Variants in XKR6 observed in about 807,000 individuals in gnomAD.
The protein encoded by XKR6 is XK-related protein 6.
Under a neutral mutation model 56.7 loss-of-function variants are expected in XKR6, and 22 were observed. The observed-to-expected ratio is 0.39, with a 90% CI of 0.28 to 0.55. XKR6 has a LOEUF of 0.55. Among genes scored for constraint, XKR6 ranks in the 20% least tolerant of loss-of-function variants. The probability of loss-of-function intolerance (pLI) is 0.66; values close to 1 mark genes in which losing one functional copy is unlikely to be tolerated. For synonymous variants in XKR6, 524 were observed against 387.8 expected (o/e 1.35, Z -4.13); for missense variants, 852 against 889.0 (o/e 0.96, Z 0.53).
rs527319689 is a variant in XKR6 at position 10,992,523 on chromosome 8, G to T, written c.765-67693C>A. ...TCCTTCAGACAGTGAGAAACTCAGG[G>T]CTCAACCTTGAATGAGCAGCAGCCT... On this transcript the variant is annotated intron_variant, in intron 1 of 2. Transcript: ENST00000416569. Among the ~76,000 whole-genome samples the T allele has an allele frequency of 1.4e-4, 22 of 152,252 alleles. 2 individuals are homozygous for T. In the South Asian group the frequency reaches 4.6e-3, roughly 32 times the overall value.
rs558605717 is a variant in XKR6, at chr8:11,071,920, G to A, written c.764+128656C>T. 7.9e-5 allele frequency among the ~76,000 whole-genome samples: 12 copies of A among 152,302 alleles called. No individual in the cohort carries two copies. In the South Asian group the frequency reaches 2.1e-3, roughly 26 times the overall value. On this transcript the variant is annotated intron_variant, in intron 1 of 2. Coordinates refer to ENST00000416569, the MANE Select transcript of XKR6 (RefSeq NM_173683.4). ...CCTCTGAATATATGCACTACACCAA[G>A]AAAATCAGATCATATATAGACCTCC...
At chr8:11,170,984 C>G (rs1802338846) in intron 1 of XKR6, among the ~76,000 whole-genome samples, 1 of 152,220 alleles carries the variant, frequency 6.6e-6, no homozygotes, top group South Asian at 2.1e-4. Flanking sequence ...ACTCCAACAT[C>G]AGAATTTAGA....
intron 1 of XKR6, among the ~76,000 whole-genome samples, chr8:11,032,358 CAT>C (rs1470934720): frequency 1.3e-5 from 2 of 152,136 alleles, no homozygotes; most frequent in Non-Finnish European, 2.9e-5. Flanking sequence ...AGAGAGAAAA[CAT>C]ATTTTCCTGA....
intron 2 of XKR6, among the ~76,000 whole-genome samples, chr8:10,905,217 TCA>T (rs1800153283): frequency 6.6e-6 from 1 of 152,144 alleles, no homozygotes; most frequent in South Asian, 2.1e-4. Context: ...CTTGCCCTCC[TCA>T]CTCTCCCACC....
At chr8:11,008,028 C>T (rs1798411545) in intron 1 of XKR6, among the ~76,000 whole-genome samples, 1 of 151,982 alleles carries the variant, frequency 6.6e-6, no homozygotes, top group South Asian at 2.1e-4. Flanking sequence ...CAGGCGTTTG[C>T]TTTTTTTTGA....
intron 1 of XKR6, among the ~76,000 whole-genome samples, chr8:11,140,360 A>T (rs1029378000): frequency 6.6e-6 from 1 of 152,202 alleles, no homozygotes; most frequent in Non-Finnish European, 1.5e-5. Flanking sequence ...TCAACCACAA[A>T]TGGCTAACAC....
chr8:10,911,527 G>T (rs1586294633), intron 2 of XKR6, among the ~76,000 whole-genome samples: 1 of 148,084 alleles, frequency 6.8e-6, no homozygotes, highest in African/African-American at 2.5e-5. Context: ...TATGTAGAAA[G>T]AGAGGGGGTG....
At chr8:10,976,753 G>GTCTC (rs5889354) in intron 1 of XKR6, among the ~76,000 whole-genome samples, 49 of 149,306 alleles carry the variant, frequency 3.3e-4, no homozygotes, top group African/African-American at 1.2e-3. Flanking sequence ...TACCTCGCCT[G>GTCTC]TCTCTCTCTC....
At chr8:11,110,688 AG>A (rs1798854070) in intron 1 of XKR6, among the ~76,000 whole-genome samples, 1 of 152,210 alleles carries the variant, frequency 6.6e-6, no homozygotes, top group South Asian at 2.1e-4. Context: ...GGAACAGGTA[AG>A]AAAAAAAGAT....
intron 1 of XKR6, among the ~76,000 whole-genome samples, chr8:11,150,953 T>C (rs537373081): frequency 1.3e-5 from 2 of 152,288 alleles, no homozygotes; most frequent in African/African-American, 4.8e-5. Flanking sequence ...AAGATGTGTG[T>C]TGTTCACTTT....
intron 1 of XKR6, among the ~76,000 whole-genome samples, chr8:11,092,803 A>G (rs1335844732): frequency 6.6e-6 from 1 of 152,218 alleles, no homozygotes; most frequent in Non-Finnish European, 1.5e-5. Context: ...ATCAATAAAT[A>G]GGTTTCTCGC....
chr8:11,078,177 T>C (rs4262293), intron 1 of XKR6, among the ~76,000 whole-genome samples: 33,740 of 152,030 alleles, frequency 0.22, 4,153 homozygotes, highest in African/African-American at 0.32. Flanking sequence ...AAAATTTCAT[T>C]TGGAAGGATG....
At chr8:10,985,283 G>T (rs1029521067) in intron 1 of XKR6, among the ~76,000 whole-genome samples, 5 of 152,082 alleles carry the variant, frequency 3.3e-5, no homozygotes, top group Non-Finnish European at 7.3e-5. Flanking sequence ...TTGAGAATAA[G>T]TATCATGAGA....
At chr8:11,004,247 G>A (rs1798313674) in intron 1 of XKR6, among the ~76,000 whole-genome samples, 1 of 152,194 alleles carries the variant, frequency 6.6e-6, no homozygotes, top group Non-Finnish European at 1.5e-5. Flanking sequence ...GCTGAGGCAG[G>A]TGGATCATGA....
chr8:11,178,515 A>T (rs1156425958), intron 1 of XKR6, among the ~76,000 whole-genome samples: 1 of 141,842 alleles, frequency 7.1e-6, no homozygotes, highest in Admixed American at 7.0e-5. Context: ...AAACCACACC[A>T]AATTTTTAAG....
At chr8:11,000,492 C>T (rs959313274) in intron 1 of XKR6, among the ~76,000 whole-genome samples, 1 of 152,114 alleles carries the variant, frequency 6.6e-6, no homozygotes, top group Non-Finnish European at 1.5e-5. Context: ...TCGAAACCAG[C>T]CTAGCCAGCA....
chr8:11,099,590 T>G (rs1459209920), intron 1 of XKR6, among the ~76,000 whole-genome samples: 1 of 152,230 alleles, frequency 6.6e-6, no homozygotes, highest in Non-Finnish European at 1.5e-5. Context: ...TCCACATTCT[T>G]TAAAATCTCC....
intron 1 of XKR6, chr8:11,108,177 T>C (rs1420208875): frequency 2.4e-6 from 1 of 424,888 alleles, no homozygotes; most frequent in Admixed American, 2.6e-5. Flanking sequence ...TCTGTTCTGT[T>C]AAATGTCCAC....
At chr8:10,912,301 A>G (rs527840134) in intron 2 of XKR6, among the ~76,000 whole-genome samples, 48 of 56,466 alleles carry the variant, frequency 8.5e-4, no homozygotes, top group African/African-American at 2.8e-3. Context: ...ATATAAAGAG[A>G]GGGTGTATAT....
Sources: gnomAD v4.1 joint callset for allele counts (sites outside exome capture counted in the v4.1 genomes callset) on GRCh38, gnomAD v4.1.1 for gene constraint, MANE v1.5 for transcripts, NCBI Gene and HGNC (gene_info 2026-07-23, HGNC 2026-07-21) for gene names.